Variants in DOCK3 observed in about 807,000 individuals in gnomAD.
The protein encoded by DOCK3 is dedicator of cytokinesis protein 3.
Under a neutral mutation model 265.6 loss-of-function variants are expected in DOCK3, and 60 were observed. The ratio of observed to expected loss-of-function variants is 0.23; its 90% CI spans 0.18 to 0.28. The LOEUF is 0.28. Among genes scored for constraint, DOCK3 ranks in the 10% least tolerant of loss-of-function variants. DOCK3 has a pLI of 1.00. For synonymous variants in DOCK3, 881 were observed against 938.0 expected, an observed-to-expected ratio of 0.94 and a Z score of 1.11; for missense variants, 1,981 against 2,594.3, an observed-to-expected ratio of 0.76 and a Z score of 5.14.
At chr3:51,319,773 G>A (rs1341705638) in intron 32 of DOCK3, among the ~76,000 whole-genome samples, 1 of 151,742 alleles carries the variant, frequency 6.6e-6, no homozygotes, top group Non-Finnish European at 1.5e-5. Context: ...GCTGAGGCAG[G>A]ATAATCGCTT....
At chr3:51,321,739 A>G (rs1006369193) in intron 32 of DOCK3, among the ~76,000 whole-genome samples, 10 of 152,184 alleles carry the variant, frequency 6.6e-5, no homozygotes, top group Non-Finnish European at 1.0e-4. Flanking sequence ...GAGATTGAAG[A>G]TCAACTTAAT....
chr3:51,034,942 T>C (rs1315306610), intron 5 of DOCK3, among the ~76,000 whole-genome samples: 4 of 152,134 alleles, frequency 2.6e-5, no homozygotes, highest in Non-Finnish European at 5.9e-5. Flanking sequence ...TCATGTGATA[T>C]CAGTGATCAT....
chr3:50,979,719 T>G (rs2077621292), intron 5 of DOCK3, among the ~76,000 whole-genome samples: 1 of 152,238 alleles, frequency 6.6e-6, no homozygotes, highest in Non-Finnish European at 1.5e-5. Flanking sequence ...GGCAACAGAC[T>G]GACACAGATT....
At chr3:51,152,235 A>G (rs1006789119) in intron 10 of DOCK3, among the ~76,000 whole-genome samples, 4 of 151,294 alleles carry the variant, frequency 2.6e-5, no homozygotes, top group Admixed American at 6.6e-5. Context: ...ACTTTATTTC[A>G]TTAATTTTAT....
In DOCK3 at chr3:51,333,192, G is replaced by A. The variant is rs749139150; in HGVS notation, c.3550G>A (p.Glu1184Lys). The change falls in exon 35 of 53, where the codon GAG (glutamate) becomes AAG (lysine). Residue 1184 changes from glutamate to lysine, a missense_variant. Glu to Lys is a moderately conservative substitution (Grantham distance 56). Transcript: ENST00000266037. ...GAAGGTTGAACAAGAAACATGGCGC[G>A]AGACCGGCATTTCCTTTGTGACCTC... ...LEKVEQETWR[E>K]TGISFVTSVT... 8 of 1,613,902 alleles carry A rather than the reference G, an allele frequency of 5.0e-6. No individual in the cohort carries two copies. Among genetic ancestry groups the A allele is most frequent in the East Asian group, 2.2e-5 (1 of 44,876 alleles).
intron 10 of DOCK3, among the ~76,000 whole-genome samples, chr3:51,157,197 T>TA (rs2085892692): frequency 6.6e-6 from 1 of 152,312 alleles, no homozygotes; most frequent in East Asian, 1.9e-4. Context: ...CATACTTTAT[T>TA]ATTTTAAGAA....
intron 27 of DOCK3, among the ~76,000 whole-genome samples, chr3:51,303,553 TA>T (rs1160449410): frequency 3.9e-5 from 6 of 152,236 alleles, no homozygotes; most frequent in Non-Finnish European, 8.8e-5. Context: ...TGAGTTTGTC[TA>T]GCGTCAATCT....
chr3:50,841,572 TTAA>T (rs2045831225), intron 2 of DOCK3, 100 bp from the exon 3 acceptor site: 1 of 410,100 alleles, frequency 2.4e-6, no homozygotes, highest in Admixed American at 4.0e-5. Flanking sequence ...AGTGGGTGTT[TTAA>T]GGAAAGATGT....
At chr3:51,095,891 G>T (rs1411903277) in intron 9 of DOCK3, among the ~76,000 whole-genome samples, 7 of 77,772 alleles carry the variant, frequency 9.0e-5, no homozygotes, top group Admixed American at 1.4e-4. Flanking sequence ...GTTGACTATT[G>T]GCCCCCATGC....
intron 12 of DOCK3, among the ~76,000 whole-genome samples, chr3:51,199,060 G>A (rs1380401976): frequency 3.9e-5 from 6 of 152,130 alleles, no homozygotes; most frequent in Non-Finnish European, 5.9e-5. Flanking sequence ...GGGAGGAGCC[G>A]AGATGGCCGA....
At chr3:50,906,174 AT>A (rs2049484541) in intron 4 of DOCK3, among the ~76,000 whole-genome samples, 1 of 152,018 alleles carries the variant, frequency 6.6e-6, no homozygotes, top group African/African-American at 2.4e-5. Flanking sequence ...CCAGTATTTT[AT>A]TGAGGATTTT....
chr3:50,982,536 A>G (rs1462958718), intron 5 of DOCK3, among the ~76,000 whole-genome samples: 1 of 152,150 alleles, frequency 6.6e-6, no homozygotes, highest in Non-Finnish European at 1.5e-5. Context: ...AGCCGACTGC[A>G]TCAGCCCTAG....
chr3:50,788,853 C>G (rs530682940), intron 2 of DOCK3, among the ~76,000 whole-genome samples: 3 of 152,362 alleles, frequency 2.0e-5, no homozygotes, highest in Admixed American at 2.0e-4. Context: ...CGAGTGGCTG[C>G]GAGGGCGCGT....
chr3:51,283,247 C>T (rs2081230500), intron 27 of DOCK3, among the ~76,000 whole-genome samples: 1 of 152,144 alleles, frequency 6.6e-6, no homozygotes, highest in African/African-American at 2.4e-5. Flanking sequence ...AGGCACAGAC[C>T]CCACCCCTGG....
chr3:51,016,556 T>TATTTA (rs1559944141), intron 5 of DOCK3, among the ~76,000 whole-genome samples: 10 of 3,310 alleles, frequency 3.0e-3, no homozygotes, highest in East Asian at 0.042. Flanking sequence ...TTTATATATA[T>TATTTA]CATATATTAT....
intron 9 of DOCK3, among the ~76,000 whole-genome samples, chr3:51,115,948 G>A (rs1002106662): frequency 6.6e-6 from 1 of 152,042 alleles, no homozygotes; most frequent in Non-Finnish European, 1.5e-5. Context: ...AAGATCAGAT[G>A]GTTGTAGATG....
intron 27 of DOCK3, among the ~76,000 whole-genome samples, chr3:51,280,892 G>A (rs961882571): frequency 6.6e-6 from 1 of 152,016 alleles, no homozygotes; most frequent in East Asian, 1.9e-4. Context: ...ACTCCACAAA[G>A]GCAGCCACTT....
chr3:51,014,113 G>C (rs2079058258), intron 5 of DOCK3, among the ~76,000 whole-genome samples: 1 of 152,164 alleles, frequency 6.6e-6, no homozygotes, highest in African/African-American at 2.4e-5. Context: ...CCGACCCCTT[G>C]AGCTTCCTGG....
chr3:51,317,207 T>C (rs1307556642), intron 32 of DOCK3, among the ~76,000 whole-genome samples: 1 of 151,758 alleles, frequency 6.6e-6, no homozygotes, highest in Admixed American at 6.6e-5. Flanking sequence ...CAGCATCTTT[T>C]GTTGAAAAGA....
Sources: gnomAD v4.1 joint callset for allele counts (sites outside exome capture counted in the v4.1 genomes callset) on GRCh38, gnomAD v4.1.1 for gene constraint, MANE v1.5 for transcripts, NCBI Gene and HGNC (gene_info 2026-07-23, HGNC 2026-07-21) for gene names.